SYNDIG1: variants seen among roughly 807,000 people sequenced by gnomAD.
SYNDIG1 encodes the protein synapse differentiation inducing 1.
SYNDIG1 carries 9 observed loss-of-function variants against 19.4 expected under a neutral mutation model. The observed-to-expected ratio is 0.46, with a 90% CI of 0.28 to 0.81. SYNDIG1 has a LOEUF of 0.81. Ranked by LOEUF, SYNDIG1 falls within the 30% of genes least tolerant of loss-of-function variation. The pLI, the probability that SYNDIG1 is intolerant of heterozygous loss-of-function variation, is 0.12. For missense variants in SYNDIG1, 311 were observed against 343.3 expected, an observed-to-expected ratio of 0.91 and a Z score of 0.74; for synonymous variants, 141 against 145.9, an observed-to-expected ratio of 0.97 and a Z score of 0.24.
intron 3 of SYNDIG1, among the ~76,000 whole-genome samples, chr20:24,595,122 C>T (rs2058575897): frequency 6.6e-6 from 1 of 152,086 alleles, no homozygotes; most frequent in South Asian, 2.1e-4. Context: ...CAACTTTTGC[C>T]ATTCAGTATG....
intron 1 of SYNDIG1, among the ~76,000 whole-genome samples, chr20:24,512,473 C>T (rs556935347): frequency 7.2e-5 from 11 of 152,134 alleles, no homozygotes; most frequent in Admixed American, 1.3e-4. Flanking sequence ...TCTTAGCAAA[C>T]GGCACACCAA....
At chr20:24,583,221 G>A (rs2058359068) in intron 2 of SYNDIG1, among the ~76,000 whole-genome samples, 1 of 152,236 alleles carries the variant, frequency 6.6e-6, no homozygotes, top group South Asian at 2.1e-4. Context: ...ATGTCTGGGG[G>A]CACTCAGGCA....
chr20:24,576,396 G>T lies in SYNDIG1; in HGVS notation c.481-8460G>T, dbSNP rs2058228231. Among the ~76,000 whole-genome samples, 4 of 152,206 alleles carry T rather than the reference G, an allele frequency of 2.6e-5. No individual in the cohort carries two copies. The South Asian group carries it at 8.3e-4, about 31-fold the overall frequency. On this transcript the variant is annotated intron_variant, in intron 2 of 3. Coordinates refer to ENST00000376862, the MANE Select transcript of SYNDIG1 (RefSeq NM_024893.3). The stretch of plus-strand genomic sequence containing the variant: ...CCCACGATTTCATTTTCTTATGATG[G>T]TTCCGAGCTCTAGTTTGTGGCTGAT...
At chr20:24,515,674 C>G (rs1265448290) in intron 1 of SYNDIG1, among the ~76,000 whole-genome samples, 5 of 151,874 alleles carry the variant, frequency 3.3e-5, no homozygotes, top group African/African-American at 1.2e-4. Flanking sequence ...AACCACTGCT[C>G]AATGAAATAA....
intron 2 of SYNDIG1, among the ~76,000 whole-genome samples, chr20:24,583,278 G>A (rs1284839671): frequency 6.6e-6 from 1 of 152,206 alleles, no homozygotes; most frequent in African/African-American, 2.4e-5. Flanking sequence ...CTGCACTCAC[G>A]GGGTGGGCCC....
At chr20:24,652,367 C>T (rs1478191091) in intron 3 of SYNDIG1, among the ~76,000 whole-genome samples, 1 of 152,170 alleles carries the variant, frequency 6.6e-6, no homozygotes, top group Non-Finnish European at 1.5e-5. Context: ...GGATTCACCC[C>T]TTATCCCAGG....
chr20:24,475,078 T>C (rs759313862), intron 1 of SYNDIG1, among the ~76,000 whole-genome samples: 45 of 152,228 alleles, frequency 3.0e-4, no homozygotes, highest in Non-Finnish European at 5.9e-4. Flanking sequence ...CTCACTCTTC[T>C]GTCATGAGTA....
At chr20:24,511,581 C>T (rs779093530) in intron 1 of SYNDIG1, among the ~76,000 whole-genome samples, 8 of 152,172 alleles carry the variant, frequency 5.3e-5, no homozygotes, top group South Asian at 2.1e-4. Context: ...CCTCTGCCCC[C>T]GCCACTAAAC....
intron 3 of SYNDIG1, among the ~76,000 whole-genome samples, chr20:24,653,806 T>C (rs1484609891): frequency 6.6e-6 from 1 of 152,220 alleles, no homozygotes; most frequent in African/African-American, 2.4e-5. Context: ...CCACTCTCCT[T>C]CATGTGGCCG....
intron 3 of SYNDIG1, among the ~76,000 whole-genome samples, chr20:24,608,883 A>G (rs1234812885): frequency 6.6e-6 from 1 of 152,204 alleles, no homozygotes; most frequent in Non-Finnish European, 1.5e-5. Context: ...GATGTTCAGA[A>G]AAACAGCATA....
intron 3 of SYNDIG1, among the ~76,000 whole-genome samples, chr20:24,646,418 C>A (rs563021697): frequency 1.5e-4 from 23 of 152,156 alleles, no homozygotes; most frequent in Non-Finnish European, 1.3e-4. Context: ...AGATCTCTCA[C>A]GAGTAGATGA....
chr20:24,517,354 G>T (rs973607140), intron 1 of SYNDIG1, among the ~76,000 whole-genome samples: 1 of 150,290 alleles, frequency 6.7e-6, no homozygotes, highest in Admixed American at 6.6e-5. Context: ...GGTGGCTCAC[G>T]CCTGTAATCC....
At chr20:24,641,095 T>A (rs1464944076) in intron 3 of SYNDIG1, among the ~76,000 whole-genome samples, 1 of 152,256 alleles carries the variant, frequency 6.6e-6, no homozygotes, top group Admixed American at 6.5e-5. Flanking sequence ...GTAGTTTCTA[T>A]TCATGAGCAC....
intron 1 of SYNDIG1, among the ~76,000 whole-genome samples, chr20:24,504,760 G>A (rs1315765468): frequency 2.0e-5 from 3 of 152,334 alleles, no homozygotes; most frequent in Admixed American, 6.5e-5. Flanking sequence ...AACGGGGGTT[G>A]GCATATGCTG....
At chr20:24,507,374 C>T (rs1441306342) in intron 1 of SYNDIG1, among the ~76,000 whole-genome samples, 5 of 152,206 alleles carry the variant, frequency 3.3e-5, no homozygotes, top group East Asian at 1.9e-4. Flanking sequence ...TATATTCTCA[C>T]GTGGTTCCTG....
intron 3 of SYNDIG1, among the ~76,000 whole-genome samples, chr20:24,627,918 G>A (rs1568698689): frequency 6.6e-6 from 1 of 152,258 alleles, no homozygotes; most frequent in Non-Finnish European, 1.5e-5. Context: ...GGAGAGCAGC[G>A]TAGTGATGAA....
At chr20:24,640,081 T>G (rs1600812685) in intron 3 of SYNDIG1, among the ~76,000 whole-genome samples, 1 of 152,134 alleles carries the variant, frequency 6.6e-6, no homozygotes, top group African/African-American at 2.4e-5. Context: ...TGCCTGTAAT[T>G]CCAGCACTTT....
At chr20:24,626,613 C>G (rs906305413) in intron 3 of SYNDIG1, among the ~76,000 whole-genome samples, 117 of 151,842 alleles carry the variant, frequency 7.7e-4, no homozygotes, top group Non-Finnish European at 1.3e-3. Flanking sequence ...GGCAGAGGGG[C>G]TCCTCACATC....
At chr20:24,577,582 TG>T (rs2058250328) in intron 2 of SYNDIG1, among the ~76,000 whole-genome samples, 1 of 152,200 alleles carries the variant, frequency 6.6e-6, no homozygotes, top group Non-Finnish European at 1.5e-5. Flanking sequence ...ACCTGTGATG[TG>T]GACAGAGGGT....
Sources: allele counts gnomAD v4.1 joint callset (sites outside exome capture counted in the v4.1 genomes callset), GRCh38; gene constraint gnomAD v4.1.1; transcripts MANE v1.5; gene names NCBI Gene and HGNC (gene_info 2026-07-23, HGNC 2026-07-21).